The following PGM5 variants were observed in gnomAD, a reference collection of about 807,000 sequenced individuals.
PGM5 encodes phosphoglucomutase-like protein 5.
A neutral mutation model predicts 59.2 loss-of-function variants in PGM5; 23 were observed. The ratio of observed to expected loss-of-function variants is 0.39; its 90% CI spans 0.28 to 0.55. The LOEUF is 0.55. Among genes scored for constraint, PGM5 ranks in the 20% least tolerant of loss-of-function variants. PGM5 has a pLI of 0.66. For synonymous variants in PGM5, 214 were observed against 286.0 expected, an observed-to-expected ratio of 0.75 and a Z score of 2.54; for missense variants, 574 against 748.3, an observed-to-expected ratio of 0.77 and a Z score of 2.72.
intron 1 of PGM5, among the ~76,000 whole-genome samples, chr9:68,376,430 G>C (rs1587775973): frequency 6.6e-6 from 1 of 150,950 alleles, no homozygotes; most frequent in Non-Finnish European, 1.5e-5. Flanking sequence ...TGGGGATCTT[G>C]TGGATTTCCA....
chr9:68,529,494 G>A, intron 10 of PGM5, 73 bp from the exon 11 acceptor site: 1 of 1,039,032 alleles, frequency 9.6e-7, no homozygotes, highest in Non-Finnish European at 1.5e-6. Flanking sequence ...GATGCTTATG[G>A]TAGAAATCCA....
At chr9:68,474,661 G>A (rs183101553) in intron 7 of PGM5, among the ~76,000 whole-genome samples, 40 of 151,938 alleles carry the variant, frequency 2.6e-4, no homozygotes, top group East Asian at 1.2e-3. Context: ...GATGGAGATG[G>A]CTGCTTCTCA....
intron 6 of PGM5, chr9:68,429,038 T>C (rs1482789569): frequency 8.5e-5 from 13 of 152,186 alleles, no homozygotes; most frequent in African/African-American, 3.1e-4. Flanking sequence ...ATGCAAATGA[T>C]CTTGGTTTGG....
intron 7 of PGM5, among the ~76,000 whole-genome samples, chr9:68,475,268 C>G (rs1460476824): frequency 6.7e-6 from 1 of 149,504 alleles, no homozygotes; most frequent in East Asian, 2.0e-4. Flanking sequence ...CTCCTGACCT[C>G]AGGTGATTCC....
chr9:68,429,133 T>C (rs1214751277), intron 6 of PGM5: 1 of 152,188 alleles, frequency 6.6e-6, no homozygotes, highest in African/African-American at 2.4e-5. Context: ...GATTGTACCA[T>C]CTTGTTTTAA....
intron 2 of PGM5, among the ~76,000 whole-genome samples, chr9:68,381,382 A>G (rs1822067732): frequency 6.6e-6 from 1 of 151,842 alleles, no homozygotes; most frequent in African/African-American, 2.4e-5. Context: ...TCTCAACATA[A>G]TAAAGGTCGT....
chr9:68,505,454 C>T (rs567056944), intron 10 of PGM5, among the ~76,000 whole-genome samples: 1 of 152,322 alleles, frequency 6.6e-6, no homozygotes, highest in Admixed American at 6.5e-5. Flanking sequence ...ATGCCAGCTG[C>T]AAATGGGGTG....
Position 68,445,686 on chromosome 9 carries a change from G to A in PGM5, c.1044-19407G>A, listed in dbSNP as rs182258612. On this transcript the variant is annotated intron_variant, in intron 6 of 10. Transcript: ENST00000396396. ...GTGAGTTTTCCTTATTGTTCTGATC[G>A]TATGAAGACCTTAAATAGAACCTTT... Among the ~76,000 whole-genome samples the A allele has an allele frequency of 5.3e-5, 8 of 152,302 alleles. No homozygotes were observed. In the East Asian group the frequency reaches 7.7e-4, roughly 15 times the overall value.
chr9:68,474,691 T>C (rs1564015323), intron 7 of PGM5, among the ~76,000 whole-genome samples: 1 of 151,728 alleles, frequency 6.6e-6, no homozygotes, highest in Non-Finnish European at 1.5e-5. Context: ...AGAGTAAGAT[T>C]GCGTGGGCTT....
intron 8 of PGM5, among the ~76,000 whole-genome samples, chr9:68,482,972 CT>C (rs1309901623): frequency 6.6e-6 from 1 of 152,124 alleles, no homozygotes; most frequent in Non-Finnish European, 1.5e-5. Flanking sequence ...GCTAGGAGGA[CT>C]TTTTTGAATG....
intron 10 of PGM5, among the ~76,000 whole-genome samples, chr9:68,526,161 A>G (rs1484477467): frequency 6.6e-6 from 1 of 152,224 alleles, no homozygotes; most frequent in African/African-American, 2.4e-5. Flanking sequence ...ACTTCTTCCC[A>G]GGCCTTCCTG....
intron 10 of PGM5, among the ~76,000 whole-genome samples, chr9:68,521,262 G>A (rs1016317717): frequency 1.3e-5 from 2 of 152,200 alleles, no homozygotes; most frequent in African/African-American, 4.8e-5. Context: ...ATAGCACTTG[G>A]CACATTTTGG....
In PGM5 at chr9:68,471,035, A is replaced by G. The variant is rs532090278; in HGVS notation, c.1159+5827A>G. 2.0e-5 allele frequency among the ~76,000 whole-genome samples: 3 copies of G among 152,338 alleles called. No individual in the cohort carries two copies. In the South Asian group the frequency reaches 6.2e-4, roughly 32 times the overall value. On this transcript the variant is annotated intron_variant, in intron 7 of 10. Coordinates refer to ENST00000396396, the MANE Select transcript of PGM5 (RefSeq NM_021965.4). ...TTGGAAGAATGTCTCCATCACTAAGATCCTTTTCTTGGAATCTCAATGGTC... is the reference window on the plus strand; with the variant it reads ...TTGGAAGAATGTCTCCATCACTAAGGTCCTTTTCTTGGAATCTCAATGGTC...
chr9:68,458,228 T>C (rs909286042), intron 6 of PGM5, among the ~76,000 whole-genome samples: 1 of 152,214 alleles, frequency 6.6e-6, no homozygotes, highest in African/African-American at 2.4e-5. Flanking sequence ...GTTTTTCTTC[T>C]TTCAATTAAA....
chr9:68,434,316 C>CAAAAAAAAGAA (rs1823407495), intron 6 of PGM5, among the ~76,000 whole-genome samples: 1 of 90,834 alleles, frequency 1.1e-5, no homozygotes, highest in Non-Finnish European at 2.1e-5. Flanking sequence ...GACTCCGTCT[C>CAAAAAAAAGAA]AAAAAAAAAA....
chr9:68,468,532 T>C (rs562331713), intron 7 of PGM5, among the ~76,000 whole-genome samples: 1 of 152,336 alleles, frequency 6.6e-6, no homozygotes, highest in East Asian at 1.9e-4. Flanking sequence ...TATTTGCCTA[T>C]TTCAATTCAA....
chr9:68,375,963 G>GTTGTT (rs1821870607), intron 1 of PGM5, among the ~76,000 whole-genome samples: 1 of 152,244 alleles, frequency 6.6e-6, no homozygotes, highest in Admixed American at 6.5e-5. Context: ...TTGAGGAATA[G>GTTGTT]CTGTTCTGTT....
rs782518445 is a variant in PGM5, at chr9:68,499,324, A to G, written c.1577A>G (p.Tyr526Cys). The part of the protein sequence containing the change: ...RATLRLYAES[Y>C]ERDPSGHDQE... ...ACCCTCAGACTGTACGCAGAGAGCT[A>G]CGAGAGGGATCCCAGCGGCCATGAC... Residue 526 changes from tyrosine (Y) to cysteine (C), a missense_variant, in exon 10 of 11, where the codon TAC becomes TGC. Transcript: ENST00000396396. 1.2e-6 allele frequency: 2 copies of G among 1,614,136 alleles called. No individual in the cohort carries two copies. Among genetic ancestry groups the G allele is most frequent in the Non-Finnish European group, 1.7e-6 (2 of 1,180,004 alleles).
chr9:68,414,946 G>A (rs1416697761), intron 6 of PGM5, among the ~76,000 whole-genome samples: 3 of 147,994 alleles, frequency 2.0e-5, no homozygotes, highest in Non-Finnish European at 2.9e-5. Flanking sequence ...TGACAGTCAT[G>A]ATCATTATGA....
Sources: gnomAD v4.1 joint callset for allele counts (sites outside exome capture counted in the v4.1 genomes callset) on GRCh38, gnomAD v4.1.1 for gene constraint, MANE v1.5 for transcripts, NCBI Gene and HGNC (gene_info 2026-07-23, HGNC 2026-07-21) for gene names.